The following DLG2 variants were observed in gnomAD, a reference collection of about 807,000 sequenced individuals.
The protein encoded by DLG2 is discs large MAGUK scaffold protein 2.
Under a neutral mutation model 132.5 loss-of-function variants are expected in DLG2, and 45 were observed. That is an observed-to-expected ratio of 0.34 (90% CI 0.27 to 0.44). DLG2 has a LOEUF of 0.44. Among genes scored for constraint, DLG2 ranks in the 20% least tolerant of loss-of-function variants. The pLI, the probability that DLG2 is intolerant of heterozygous loss-of-function variation, is 1.00. For missense variants in DLG2, 1,045 were observed against 1,196.9 expected, an observed-to-expected ratio of 0.87 and a Z score of 1.87; for synonymous variants, 424 against 419.6, an observed-to-expected ratio of 1.01 and a Z score of -0.13.
chr11:84,730,829 T>C (rs1022536026), intron 6 of DLG2, among the ~76,000 whole-genome samples: 2 of 152,046 alleles, frequency 1.3e-5, no homozygotes, highest in South Asian at 2.1e-4. Flanking sequence ...ATACAGCAAG[T>C]TGAATGATTA....
At chr11:85,540,209 C>A (rs934772416) in intron 3 of DLG2, among the ~76,000 whole-genome samples, 2 of 152,172 alleles carry the variant, frequency 1.3e-5, no homozygotes, top group Non-Finnish European at 2.9e-5. Context: ...TGAGGACAGC[C>A]ACTCTTGTTT....
chr11:83,823,643 T>G (rs79496981), intron 17 of DLG2, among the ~76,000 whole-genome samples: 2,369 of 149,664 alleles, frequency 0.016, 18 homozygotes, highest in Non-Finnish European at 0.023. Flanking sequence ...TGGGCAAAGA[T>G]GAGTCATTCA....
chr11:84,795,584 G>A (rs1229615722), intron 6 of DLG2, among the ~76,000 whole-genome samples: 1 of 152,076 alleles, frequency 6.6e-6, no homozygotes, highest in Non-Finnish European at 1.5e-5. Context: ...ACCTAGACAG[G>A]GGACAAGAAC....
intron 3 of DLG2, among the ~76,000 whole-genome samples, chr11:85,315,648 T>C (rs1426212730): frequency 2.0e-5 from 3 of 152,004 alleles, no homozygotes; most frequent in Non-Finnish European, 2.9e-5. Context: ...CAACCCAAGA[T>C]AGAGACAGGA....
chr11:85,595,691 C>T (rs1258768929), intron 3 of DLG2, among the ~76,000 whole-genome samples: 1 of 152,140 alleles, frequency 6.6e-6, no homozygotes, highest in Non-Finnish European at 1.5e-5. Flanking sequence ...GAAAGTTAAT[C>T]AAACAGTTCA....
chr11:83,861,700 A>G (rs1316004606), intron 16 of DLG2, among the ~76,000 whole-genome samples: 2 of 152,134 alleles, frequency 1.3e-5, no homozygotes, highest in East Asian at 3.9e-4. Context: ...TTGAGAGTAG[A>G]AGGATAGTTA....
At chr11:85,031,749 C>A (rs1268337051) in intron 6 of DLG2, among the ~76,000 whole-genome samples, 1 of 152,008 alleles carries the variant, frequency 6.6e-6, no homozygotes, top group Non-Finnish European at 1.5e-5. Context: ...GTGTTAACTT[C>A]CGAGAGCTAC....
chr11:85,155,084 T>C lies in DLG2; in HGVS notation c.187-433A>G, dbSNP rs574814938. On this transcript the variant is annotated intron_variant, in intron 4 of 27. Coordinates refer to ENST00000376104, the MANE Select transcript of DLG2 (RefSeq NM_001142699.3). ...ACTGCCTTTGCTTTGGGCTGTCTTT[T>C]TATAACTACAGCTTTAGATGATAAA... Among the ~76,000 whole-genome samples, 11 of 152,330 alleles carry C rather than the reference T, an allele frequency of 7.2e-5. No individual in the cohort carries two copies. The South Asian group carries it at 2.1e-3, about 29-fold the overall frequency.
chr11:85,062,819 G>T lies in DLG2; in HGVS notation c.357+48842C>A, dbSNP rs144879366. On this transcript the variant is annotated intron_variant, in intron 6 of 27. Coordinates refer to ENST00000376104, the MANE Select transcript of DLG2 (RefSeq NM_001142699.3). ...TCTGAAACCAGAAGACTAAAAGAGA[G>T]TTAGTACTCATCACAACTAGGTTGT... Among the ~76,000 whole-genome samples, 6 of 151,790 alleles carry T rather than the reference G, an allele frequency of 4.0e-5. No individual in the cohort carries two copies. The East Asian group carries it at 1.2e-3, about 30-fold the overall frequency.
At chr11:84,728,449 C>A (rs1297227623) in intron 6 of DLG2, among the ~76,000 whole-genome samples, 1 of 152,096 alleles carries the variant, frequency 6.6e-6, no homozygotes, top group East Asian at 1.9e-4. Context: ...CCAACTTGAT[C>A]GTGGTGGATA....
chr11:83,790,283 C>G, intron 17 of DLG2: 1 of 922,802 alleles, frequency 1.1e-6, no homozygotes, highest in Non-Finnish European at 1.8e-6. Flanking sequence ...GTGCCCAAGT[C>G]TAGTGTGAAC....
chr11:83,997,019 C>T (rs2094067298), intron 11 of DLG2, among the ~76,000 whole-genome samples: 1 of 151,910 alleles, frequency 6.6e-6, no homozygotes, highest in Admixed American at 6.6e-5. Flanking sequence ...ATGGATATCC[C>T]ACTCTCCATG....
intron 6 of DLG2, among the ~76,000 whole-genome samples, chr11:84,739,313 T>C (rs1484460861): frequency 6.6e-6 from 1 of 152,230 alleles, no homozygotes; most frequent in East Asian, 1.9e-4. Flanking sequence ...TGATAGAGTT[T>C]ATTTTTTTAA....
At chr11:84,651,387 A>C (rs148830926) in intron 6 of DLG2, among the ~76,000 whole-genome samples, 156 of 152,274 alleles carry the variant, frequency 1.0e-3, no homozygotes, top group Admixed American at 2.3e-3. Flanking sequence ...TGGACCAATT[A>C]ATTATGTTAA....
At chr11:84,804,382 C>T (rs564004192) in intron 6 of DLG2, among the ~76,000 whole-genome samples, 2 of 152,322 alleles carry the variant, frequency 1.3e-5, no homozygotes, top group African/African-American at 4.8e-5. Flanking sequence ...GGAAAACCCA[C>T]GTACTTCCAC....
chr11:84,356,293 A>T (rs1019519789), intron 7 of DLG2, among the ~76,000 whole-genome samples: 1 of 152,118 alleles, frequency 6.6e-6, no homozygotes, highest in Non-Finnish European at 1.5e-5. Flanking sequence ...ATTCACAAAC[A>T]TTTACTGAGT....
intron 19 of DLG2, among the ~76,000 whole-genome samples, chr11:83,565,003 T>A (rs988722600): frequency 9.2e-5 from 14 of 152,246 alleles, no homozygotes; most frequent in Admixed American, 9.2e-4. Flanking sequence ...CAGTTCTTTA[T>A]CTGTTTCCCT....
chr11:83,483,220 G>GAA, intron 22 of DLG2: 1 of 1,597,032 alleles, frequency 6.3e-7, no homozygotes, highest in Non-Finnish European at 8.6e-7. Context: ...GAAAAGAAAA[G>GAA]AAAAGTTACA....
At chr11:84,314,448 C>T (rs756049387) in intron 7 of DLG2, among the ~76,000 whole-genome samples, 9 of 151,958 alleles carry the variant, frequency 5.9e-5, no homozygotes, top group Non-Finnish European at 1.0e-4. Flanking sequence ...TGATAATATA[C>T]GTAAGTGTAT....
Sources: gnomAD v4.1 joint callset for allele counts (sites outside exome capture counted in the v4.1 genomes callset) on GRCh38, gnomAD v4.1.1 for gene constraint, MANE v1.5 for transcripts, NCBI Gene and HGNC (gene_info 2026-07-23, HGNC 2026-07-21) for gene names.